FASTK: variants seen among roughly 807,000 people sequenced by gnomAD.
FASTK encodes Fas activated serine/threonine kinase, also known as fas-activated serine/threonine kinase.
In FASTK, 28 loss-of-function variants were observed where a neutral mutation model predicts 60.0. The ratio of observed to expected loss-of-function variants is 0.47; its 90% CI spans 0.35 to 0.64. The LOEUF is 0.64. Among genes scored for constraint, FASTK ranks in the 30% least tolerant of loss-of-function variants. The pLI, the probability that FASTK is intolerant of heterozygous loss-of-function variation, is 0.01. For missense variants in FASTK, 595 were observed against 713.8 expected, an observed-to-expected ratio of 0.83 and a Z score of 1.90; for synonymous variants, 325 against 307.9, an observed-to-expected ratio of 1.06 and a Z score of -0.58.
At chr7:151,077,257 C>A (rs1390812375) in intron 7 of FASTK, 21 bp from the exon 8 acceptor site, 2 of 1,611,686 alleles carry the variant, frequency 1.2e-6, no homozygotes, top group South Asian at 1.1e-5. Flanking sequence ...GCAGGGCCGG[C>A]GGCCTTAGCC....
At chr7:151,079,090 G>A (rs1030553681) in intron 2 of FASTK, 69 bp from the exon 3 acceptor site, 3 of 1,336,456 alleles carry the variant, frequency 2.2e-6, no homozygotes, top group African/African-American at 1.5e-5. Flanking sequence ...GGGGTTACTT[G>A]GTGAATTCTC....
chr7:151,079,193 G>A (rs1358318385), intron 2 of FASTK, 172 bp from the exon 3 acceptor site: 11 of 622,150 alleles, frequency 1.8e-5, no homozygotes, highest in Middle Eastern at 4.3e-4. Context: ...TGGCTATGAG[G>A]TATCGAAACG....
intron 4 of FASTK, 78 bp downstream of exon 4, chr7:151,078,484 C>T (rs1167587423): frequency 2.9e-5 from 44 of 1,509,720 alleles, no homozygotes; most frequent in Non-Finnish European, 3.9e-5. Flanking sequence ...AAAGGATAGC[C>T]GAGCTGCACG....
rs1428539890 is a variant in FASTK at position 151,080,642 on chromosome 7, C to T, written c.82+43G>A. ...GTGGCCGCTGCCGCTAACACCAGCT[C>T]CCGCTGCCCTCCCGCAGCCCTCCCC... On this transcript the variant is annotated intron_variant, in intron 1 of 9. Transcript: ENST00000297532. 1.1e-5 allele frequency: 15 copies of T among 1,420,414 alleles called. No individual in the cohort carries two copies. The Admixed American group carries it at 3.9e-4, about 37-fold the overall frequency. The allele number at this position is 1,420,414 out of a possible 1,614,324, so 88.0% of individuals were successfully genotyped here. A position where few individuals can be genotyped will look rare whatever the true frequency, so the allele number is the denominator to read the frequency against.
At chr7:151,079,216 T>G in intron 2 of FASTK, 195 bp from the exon 3 acceptor site, 1 of 585,398 alleles carries the variant, frequency 1.7e-6, no homozygotes. Context: ...TTGTAGGGAG[T>G]ACATACAAAG....
Position 151,078,975 on chromosome 7 carries a change from T to C in FASTK, c.552A>G (p.Arg184=), listed in dbSNP as rs771966486. 1.3e-6 allele frequency: 2 copies of C among 1,541,956 alleles called. No homozygotes were observed. The highest frequency in any genetic ancestry group is 1.7e-6 in the Non-Finnish European group (2 of 1,149,058). The change falls in exon 3 of 10, where the codon CGA becomes CGG. Residue 184 remains arginine, a synonymous_variant. Transcript: ENST00000297532. ...GTGGCTTCGGAGGGAGGCGGAGCCTTCGCTCCTGTTCCAGGGCACACACCA... is the reference window on the plus strand; with the variant it reads ...GTGGCTTCGGAGGGAGGCGGAGCCTCCGCTCCTGTTCCAGGGCACACACCA... ...GPLVCALEQE[R]RLRLPPKPPP...
In FASTK at chr7:151,078,641, C is replaced by CGGGCCAGGTGCT. The variant is rs767514374; in HGVS notation, c.734_745dup (p.Gln245_Ala248dup). Reference sequence around the variant, plus strand: ...AAGCTGGGGCTCCCGCAACCGGTGCCGGGCCAGGTGCTGGGCCAGGAGCAC... The same window carrying CGGGCCAGGTGCT: ...AAGCTGGGGCTCCCGCAACCGGTGCCGGGCCAGGTGCTGGGCCAGGTGCTGGGCCAGGAGCAC... On this transcript the variant is annotated inframe_insertion, in exon 4 of 10. Transcript: ENST00000297532. The CGGGCCAGGTGCT allele has an allele frequency of 1.9e-6, 3 of 1,613,264 alleles. No homozygotes were observed. The highest frequency in any genetic ancestry group is 2.2e-5 in the East Asian group (1 of 44,894).
chr7:151,078,477 G>C, intron 4 of FASTK, 85 bp downstream of exon 4: 1 of 1,474,760 alleles, frequency 6.8e-7, no homozygotes, highest in Non-Finnish European at 9.3e-7. Flanking sequence ...TTCAGGAAAA[G>C]GATAGCCGAG....
chr7:151,076,922 C>G lies in FASTK; in HGVS notation c.1533G>C (p.Gln511His), dbSNP rs1429658350. 6.2e-7 allele frequency: 1 copy of G among 1,606,754 alleles called. No homozygotes were observed. Among genetic ancestry groups the G allele is most frequent in the Non-Finnish European group, 8.5e-7 (1 of 1,176,128 alleles). Residue 511 changes from glutamine (Q) to histidine (H), a missense_variant, in exon 9 of 10, where the codon CAG becomes CAC. By Grantham distance (24) the Gln-to-His change is conservative. Coordinates refer to ENST00000297532, the MANE Select transcript of FASTK (RefSeq NM_006712.5). ...RERHLGLMGYQLLPLPFEELE... is the reference protein window; with the variant it reads ...RERHLGLMGYHLLPLPFEELE... ...GGCCAGGGCCACTCACCGGCAGGAG[C>G]TGGTAGCCCATCAGGCCTAGGTGCC...
intron 1 of FASTK, chr7:151,080,436 C>A (rs1317236795): frequency 5.7e-6 from 7 of 1,231,586 alleles, no homozygotes; most frequent in Non-Finnish European, 7.2e-6. Context: ...CTCCCACTCA[C>A]CAGCGGCGTG....
In FASTK at chr7:151,079,625, G is replaced by C. The variant is rs757803953; in HGVS notation, c.380C>G (p.Ser127Cys). Reference protein sequence around the residue: ...ALRRLGQLLGSRPRPPPVEQV... With the variant: ...ALRRLGQLLGCRPRPPPVEQV... Reference sequence around the variant, plus strand: ...CTCCACAGGAGGGGGCCGTGGCCGAGACCCCAAGAGCTGGCCCAGACGACG... The same window carrying C: ...CTCCACAGGAGGGGGCCGTGGCCGACACCCCAAGAGCTGGCCCAGACGACG... Residue 127 changes from serine (S) to cysteine (C), a missense_variant, in exon 2 of 10, where the codon TCT becomes TGT. This residue lies in a region of FASTK where 471 missense variants were observed against 605.9 expected (regional missense o/e 0.78). Transcript: ENST00000297532. 1 of 1,613,706 alleles carries C rather than the reference G, an allele frequency of 6.2e-7. No homozygotes were observed. The highest frequency in any genetic ancestry group is 1.3e-5 in the African/African-American group (1 of 75,064).
At position 151,078,028 on chromosome 7, in the gene FASTK, A is replaced by T; in HGVS notation, c.890T>A (p.Met297Lys). The stretch of plus-strand genomic sequence containing the variant: ...AGCCAGGATCCTCTCAAGGCAGGGC[A>T]TAAACTGCTGTTCCAGGGGCAGGTA... ...LNYLPLEQQF[M>K]PCLERILARE... is the part of the protein sequence containing the mutation. The change falls in exon 5 of 10, where the codon ATG becomes AAG. Residue 297 changes from methionine to lysine, a missense_variant. Around this residue, in one of 2 missense-constraint regions of FASTK, gnomAD observed 471 missense variants for 605.9 expected, o/e 0.78. Coordinates refer to ENST00000297532, the MANE Select transcript of FASTK (RefSeq NM_006712.5). 6.2e-7 allele frequency: 1 copy of T among 1,607,594 alleles called. No individual in the cohort carries two copies. Among genetic ancestry groups the T allele is most frequent in the South Asian group, 1.1e-5 (1 of 90,946 alleles).
At position 151,077,650 on chromosome 7, in the gene FASTK, G is replaced by C; in HGVS notation, c.1170C>G (p.Leu390=). 6.4e-7 allele frequency: 1 copy of C among 1,564,070 alleles called. No homozygotes were observed. The highest frequency in any genetic ancestry group is 8.7e-7 in the Non-Finnish European group (1 of 1,155,066). ...ACTTGCAGCGGGCACGGTCGGTGAT[G>C]AGAGGCTGGGGAAAGATGGGCACTT... ...RQQVPIFPQP[L]ITDRARCKYS... The change falls in exon 6 of 10, where the codon CTC becomes CTG. Residue 390 remains leucine, a synonymous_variant. Transcript: ENST00000297532.
chr7:151,077,933 G>T lies in FASTK; in HGVS notation c.985C>A (p.Pro329Thr), dbSNP rs374658797. 1.1e-5 allele frequency: 18 copies of T among 1,613,786 alleles called. No homozygotes were observed. In the African/African-American group the frequency reaches 2.1e-4, roughly 19 times the overall value. The change falls in exon 5 of 10, where the codon CCC (proline) becomes ACC (threonine). Residue 329 changes from proline (P) to threonine (T), a missense_variant. Physicochemically the swap from Pro to Thr is conservative, Grantham distance 38. Transcript: ENST00000297532. ...LMSLCQLRCL[P>T]FRALHFVFSP... The stretch of plus-strand genomic sequence containing the variant: ...AAAACAAAGTGCAGGGCTCTGAAGG[G>T]CAGGCACCGCAGTTGGCACAGTGAC...
rs1168516680 is a variant in FASTK at position 151,079,636 on chromosome 7, C to T, written c.369G>A (p.Gln123=). ...GGGGCCGTGGCCGAGACCCCAAGAG[C>T]TGGCCCAGACGACGAAGCGCCACCG... The part of the protein sequence containing the change: ...HYSVALRRLG[Q]LLGSRPRPPP... The change falls in exon 2 of 10, where the codon CAG becomes CAA. Residue 123 remains glutamine (Q), a synonymous_variant. Coordinates refer to ENST00000297532, the MANE Select transcript of FASTK (RefSeq NM_006712.5). The T allele has an allele frequency of 6.2e-7, 1 of 1,613,606 alleles. No individual in the cohort carries two copies. Among genetic ancestry groups the T allele is most frequent in the Admixed American group, 1.7e-5 (1 of 60,002 alleles).
intron 2 of FASTK, 120 bp from the exon 3 acceptor site, chr7:151,079,141 T>C: frequency 1.1e-6 from 1 of 952,064 alleles, no homozygotes; most frequent in South Asian, 2.1e-5. Context: ...GAAGGTGTGC[T>C]AGAGTTTAAG....
chr7:151,078,136 G>A (rs766641154), intron 4 of FASTK, 44 bp from the exon 5 acceptor site: 1 of 1,431,522 alleles, frequency 7.0e-7, no homozygotes, highest in Non-Finnish European at 9.6e-7. Flanking sequence ...AAGTATTTCT[G>A]CAGTCATCTT....
intron 4 of FASTK, 127 bp from the exon 5 acceptor site, chr7:151,078,219 G>A (rs2303942): frequency 0.5 from 350,304 of 704,912 alleles, 88,964 homozygotes; most frequent in African/African-American, 0.64. Context: ...CAGTCCCTCC[G>A]GCCTCACAGT....
At chr7:151,080,471 T>G (rs1415643104) in intron 1 of FASTK, 2 of 1,279,854 alleles carry the variant, frequency 1.6e-6, no homozygotes. Flanking sequence ...GCTTCGTCTC[T>G]CTAAGTCTCC....
Sources: allele counts gnomAD v4.1 joint callset, GRCh38; gene constraint gnomAD v4.1.1; regional missense constraint gnomAD v4.1.1; transcripts MANE v1.5; gene names NCBI Gene and HGNC (gene_info 2026-07-23, HGNC 2026-07-21).